CCDC178: variants seen among roughly 807,000 people sequenced by gnomAD.
The protein encoded by CCDC178 is coiled-coil domain-containing protein 178.
Under a neutral mutation model 117.4 loss-of-function variants are expected in CCDC178, and 126 were observed. That is an observed-to-expected ratio of 1.07 (90% CI 0.93 to 1.24). The LOEUF (loss-of-function observed/expected upper bound fraction) is 1.24, where lower values mean the gene tolerates loss of function less well. CCDC178 is among the 50% of genes most tolerant of loss of function. The probability of loss-of-function intolerance (pLI) is 0.00; values close to 1 mark genes in which losing one functional copy is unlikely to be tolerated. For synonymous variants in CCDC178, 283 were observed against 313.4 expected (o/e 0.90, Z 1.02); for missense variants, 1,030 against 986.9 (o/e 1.04, Z -0.59).
intron 20 of CCDC178, among the ~76,000 whole-genome samples, chr18:33,160,952 G>T (rs544233089): frequency 3.9e-5 from 6 of 152,030 alleles, no homozygotes; most frequent in Non-Finnish European, 8.8e-5. Flanking sequence ...TGCCAAATAG[G>T]AAAGAGAATG....
intron 22 of CCDC178, among the ~76,000 whole-genome samples, chr18:32,957,572 C>G (rs781734439): frequency 2.0e-5 from 3 of 152,134 alleles, no homozygotes; most frequent in African/African-American, 7.2e-5. Flanking sequence ...TCATCATTAA[C>G]TAATTTTAGC....
intron 11 of CCDC178, among the ~76,000 whole-genome samples, chr18:33,319,817 G>T (rs1013067584): frequency 2.4e-4 from 36 of 152,240 alleles, no homozygotes; most frequent in Non-Finnish European, 4.1e-4. Context: ...TCATGTGTCT[G>T]TTGGCTGCAT....
chr18:33,349,186 C>T (rs527744273), intron 7 of CCDC178, among the ~76,000 whole-genome samples: 2 of 151,792 alleles, frequency 1.3e-5, no homozygotes, highest in South Asian at 2.1e-4. Context: ...AAATTAGTTA[C>T]AAATGACCCA....
intron 9 of CCDC178, among the ~76,000 whole-genome samples, chr18:33,340,029 G>A (rs909811968): frequency 2.0e-5 from 3 of 152,148 alleles, no homozygotes; most frequent in Non-Finnish European, 4.4e-5. Flanking sequence ...GGAGGGCTCA[G>A]AAGAAGATAG....
At chr18:33,304,032 C>T (rs1031120832) in intron 11 of CCDC178, among the ~76,000 whole-genome samples, 1 of 152,042 alleles carries the variant, frequency 6.6e-6, no homozygotes, top group Non-Finnish European at 1.5e-5. Context: ...AACAATCAGT[C>T]ATCAGCTAGG....
At chr18:33,082,429 G>A (rs1050109709) in intron 21 of CCDC178, among the ~76,000 whole-genome samples, 6 of 152,164 alleles carry the variant, frequency 3.9e-5, no homozygotes, top group African/African-American at 7.2e-5. Context: ...CCGAGATCAC[G>A]TCACTGTACT....
intron 21 of CCDC178, among the ~76,000 whole-genome samples, chr18:32,996,884 C>T (rs1189109622): frequency 1.3e-5 from 2 of 151,770 alleles, no homozygotes. Flanking sequence ...AAAAAGAATA[C>T]CTCAACAGAA....
At chr18:33,134,501 C>T (rs2058102475) in intron 20 of CCDC178, among the ~76,000 whole-genome samples, 1 of 151,912 alleles carries the variant, frequency 6.6e-6, no homozygotes, top group South Asian at 2.1e-4. Flanking sequence ...ATAGTAGCTA[C>T]AGAATGTTCA....
chr18:33,325,042 T>C (rs2062566216), intron 10 of CCDC178, among the ~76,000 whole-genome samples: 2 of 151,702 alleles, frequency 1.3e-5, no homozygotes, highest in African/African-American at 2.4e-5. Context: ...TAAATGTATA[T>C]CTTTTATTTC....
chr18:33,314,691 G>C (rs1030124620), intron 11 of CCDC178, among the ~76,000 whole-genome samples: 1 of 152,038 alleles, frequency 6.6e-6, no homozygotes, highest in Admixed American at 6.5e-5. Flanking sequence ...CTTCCAACTG[G>C]ATACTATGCT....
rs756973406 is a variant in CCDC178 at position 33,211,964 on chromosome 18, T to C, written c.2170A>G (p.Ile724Val). 6.2e-7 allele frequency: 1 copy of C among 1,610,476 alleles called. No individual in the cohort carries two copies. The highest frequency in any genetic ancestry group is 8.5e-7 in the Non-Finnish European group (1 of 1,178,176). ...MQEKKDCEERIFEEDQRFRVL... is the reference protein window; with the variant it reads ...MQEKKDCEERVFEEDQRFRVL... Reference sequence around the variant, plus strand: ...CTAAATCTCTGATCTTCCTCAAAGATTCTCTCTTCACAGTCTTTTTTCTCT... The same window carrying C: ...CTAAATCTCTGATCTTCCTCAAAGACTCTCTCTTCACAGTCTTTTTTCTCT... Residue 724 changes from isoleucine (I) to valine (V), a missense_variant, in exon 20 of 23, where the codon ATC (isoleucine) becomes GTC (valine). Ile to Val is a conservative substitution (Grantham distance 29). Coordinates refer to ENST00000383096, the MANE Select transcript of CCDC178 (RefSeq NM_001105528.4).
intron 15 of CCDC178, among the ~76,000 whole-genome samples, chr18:33,242,616 CA>C (rs71159806): frequency 6.0e-5 from 9 of 150,486 alleles, no homozygotes; most frequent in East Asian, 1.9e-4. Flanking sequence ...AGATATTTTT[CA>C]AAAAAAAATC....
chr18:33,256,516 C>T (rs2059682230), intron 14 of CCDC178, among the ~76,000 whole-genome samples: 1 of 152,014 alleles, frequency 6.6e-6, no homozygotes, highest in African/African-American at 2.4e-5. Context: ...ATTTCTCCTT[C>T]CAACTTGAGT....
chr18:32,969,604 CT>C (rs2054883835), intron 22 of CCDC178, among the ~76,000 whole-genome samples: 1 of 151,954 alleles, frequency 6.6e-6, no homozygotes, highest in African/African-American at 2.4e-5. Context: ...AACATTCCAA[CT>C]TTTTAAATAT....
chr18:33,228,435 G>A (rs189636699), intron 15 of CCDC178, among the ~76,000 whole-genome samples: 9 of 152,166 alleles, frequency 5.9e-5, no homozygotes, highest in Non-Finnish European at 1.2e-4. Context: ...TGGATGTGTG[G>A]CTTGGAAAGA....
chr18:33,142,874 T>C (rs2058223785), intron 20 of CCDC178, among the ~76,000 whole-genome samples: 1 of 152,196 alleles, frequency 6.6e-6, no homozygotes, highest in Admixed American at 6.5e-5. Context: ...AAAATCTTAT[T>C]TTCCCCTTAT....
chr18:33,365,909 A>T (rs1388468325), intron 6 of CCDC178, among the ~76,000 whole-genome samples: 1 of 152,064 alleles, frequency 6.6e-6, no homozygotes, highest in Non-Finnish European at 1.5e-5. Context: ...ATGTTTCCAG[A>T]TTCTTTGCAA....
intron 7 of CCDC178, 112 bp from the exon 8 acceptor site, chr18:33,349,087 C>A: frequency 3.3e-6 from 2 of 608,760 alleles, no homozygotes; most frequent in Non-Finnish European, 5.6e-6. Flanking sequence ...ACTTACTATA[C>A]AAGATAATCT....
chr18:32,955,498 T>C (rs1015610054), intron 22 of CCDC178, among the ~76,000 whole-genome samples: 1 of 152,190 alleles, frequency 6.6e-6, no homozygotes, highest in African/African-American at 2.4e-5. Flanking sequence ...ATTTTTTCTA[T>C]CATAGACTAG....
Sources: gnomAD v4.1 joint callset for allele counts (sites outside exome capture counted in the v4.1 genomes callset) on GRCh38, gnomAD v4.1.1 for gene constraint, MANE v1.5 for transcripts, NCBI Gene and HGNC (gene_info 2026-07-23, HGNC 2026-07-21) for gene names.